TEAD4: variants seen among roughly 807,000 people sequenced by gnomAD.
TEAD4 encodes transcriptional enhancer factor TEF-3.
Under a neutral mutation model 52.4 loss-of-function variants are expected in TEAD4, and 36 were observed. The ratio of observed to expected loss-of-function variants is 0.69; its 90% confidence interval spans 0.53 to 0.91. TEAD4 has a LOEUF of 0.91. Among genes scored for constraint, TEAD4 ranks in the 40% least tolerant of loss-of-function variants. The pLI is 0.00. For missense variants in TEAD4, 508 were observed against 583.9 expected, an observed-to-expected ratio of 0.87 and a Z score of 1.34; for synonymous variants, 220 against 231.0, an observed-to-expected ratio of 0.95 and a Z score of 0.43.
rs1045433633 is a variant in TEAD4 at position 2,959,430 on chromosome 12, C to G, written c.-174C>G. 2.7e-4 allele frequency: 40 copies of G among 146,590 alleles called. No individual in the cohort carries two copies. Among genetic ancestry groups the G allele is most frequent in the Admixed American group, 1.1e-3 (17 of 14,786 alleles). The allele number at this position is 146,590 out of a possible 1,614,324, so 9.1% of individuals were successfully genotyped here. A position where few individuals can be genotyped will look rare whatever the true frequency, so the allele number is the denominator to read the frequency against. On this transcript the variant is annotated 5_prime_UTR_variant, in exon 1 of 13. Coordinates refer to ENST00000359864, the MANE Select transcript of TEAD4 (RefSeq NM_003213.4). The surrounding 1 kb of genome is among the most constrained non-coding windows in gnomAD (Gnocchi z 5.1). ...CATTCCAGCGTCCTCCTCGCACACT[C>G]GAGGCCAGGGGGCGGGAGGGCCGCA...
At chr12:3,015,561 G>A (rs573564499) in intron 5 of TEAD4, among the ~76,000 whole-genome samples, 7 of 152,372 alleles carry the variant, frequency 4.6e-5, no homozygotes, top group South Asian at 2.1e-4. Context: ...CCTCCAGGCC[G>A]CGGTGCTGCC....
chr12:3,032,527 T>C (rs75890828), intron 10 of TEAD4, among the ~76,000 whole-genome samples: 13,467 of 152,204 alleles, frequency 0.088, 640 homozygotes, highest in South Asian at 0.12. Context: ...GTTCTACCAC[T>C]TGAGAACTGT....
intron 8 of TEAD4, 124 bp downstream of exon 8, chr12:3,019,294 C>G (rs1319065394): frequency 4.6e-6 from 5 of 1,077,682 alleles, no homozygotes; most frequent in Non-Finnish European, 6.9e-6. Flanking sequence ...TGCACACTGA[C>G]CACACGTCCT....
chr12:2,995,213 G>A (rs1324159281), intron 3 of TEAD4, among the ~76,000 whole-genome samples: 5 of 152,226 alleles, frequency 3.3e-5, no homozygotes, highest in Middle Eastern at 3.4e-3. Flanking sequence ...GAGCAGAGAT[G>A]GGAGTGGGAA....
rs780611748 is a variant in TEAD4 at position 2,994,838 on chromosome 12, C to G, written c.72C>G (p.Ala24=). 3.1e-6 allele frequency: 5 copies of G among 1,614,066 alleles called. No individual in the cohort carries two copies. Among genetic ancestry groups the G allele is most frequent in the Non-Finnish European group, 4.2e-6 (5 of 1,180,010 alleles). ...CCACCTCCCCTGAGGGGAGCACCGC[C>G]TCTGGGGGCAGTCAGGCACTGGACA... The change falls in exon 3 of 13, where the codon GCC becomes GCG. Residue 24 remains alanine (A), a synonymous_variant. Coordinates refer to ENST00000359864, the MANE Select transcript of TEAD4 (RefSeq NM_003213.4). The surrounding 1 kb of genome is among the most constrained non-coding windows in gnomAD (Gnocchi z 4.7).
At chr12:2,985,505 T>A (rs1313891764) in intron 2 of TEAD4, among the ~76,000 whole-genome samples, 2 of 103,208 alleles carry the variant, frequency 1.9e-5, no homozygotes, top group Non-Finnish European at 4.6e-5. Context: ...CAAAATCTTT[T>A]TTTTTTTTTT....
intron 3 of TEAD4, among the ~76,000 whole-genome samples, chr12:3,004,073 T>C (rs2098253878): frequency 6.6e-6 from 1 of 152,218 alleles, no homozygotes; most frequent in South Asian, 2.1e-4. Flanking sequence ...GTCTACATGA[T>C]CCAGGATACG....
chr12:3,019,221 C>A, intron 8 of TEAD4, 51 bp downstream of exon 8: 1 of 1,605,886 alleles, frequency 6.2e-7, no homozygotes, highest in Non-Finnish European at 8.5e-7. Flanking sequence ...GTGGCTCCTG[C>A]CTCTGGGTCC....
chr12:2,970,564 T>G (rs2098224207), intron 2 of TEAD4, among the ~76,000 whole-genome samples: 1 of 152,218 alleles, frequency 6.6e-6, no homozygotes. Flanking sequence ...GTCGATGATG[T>G]GTGTGGAAAA....
chr12:2,964,214 C>T (rs1013081306), intron 2 of TEAD4, among the ~76,000 whole-genome samples: 3 of 152,184 alleles, frequency 2.0e-5, no homozygotes, highest in South Asian at 2.1e-4. Context: ...TGCCAGCCTC[C>T]GCTCGTGCCA....
chr12:3,027,484 A>G (rs2098272745), intron 10 of TEAD4, among the ~76,000 whole-genome samples: 1 of 152,180 alleles, frequency 6.6e-6, no homozygotes, highest in Admixed American at 6.5e-5. Context: ...TAATCCCAGC[A>G]GTTTGGGAGG....
At chr12:3,031,714 G>A (rs145819580) in intron 10 of TEAD4, among the ~76,000 whole-genome samples, 1 of 151,892 alleles carries the variant, frequency 6.6e-6, no homozygotes, top group Non-Finnish European at 1.5e-5. Context: ...CCTCACCACA[G>A]CCAAGACTGG....
intron 10 of TEAD4, among the ~76,000 whole-genome samples, chr12:3,035,451 C>T (rs769309409): frequency 1.5e-4 from 23 of 152,208 alleles, no homozygotes; most frequent in Non-Finnish European, 2.5e-4. Context: ...GTCCTGAGCA[C>T]ACAAACTGTC....
At chr12:3,012,451 C>T (rs1272725193) in intron 5 of TEAD4, among the ~76,000 whole-genome samples, 2 of 152,168 alleles carry the variant, frequency 1.3e-5, no homozygotes, top group East Asian at 1.9e-4. Context: ...ACAGGCCAGG[C>T]TCCTGCTGGG....
intron 5 of TEAD4, 185 bp from the exon 6 acceptor site, chr12:3,017,213 C>A (rs937922624): frequency 6.9e-6 from 5 of 727,916 alleles, no homozygotes; most frequent in Non-Finnish European, 9.5e-6. Flanking sequence ...AGAAAACTGA[C>A]CAGAGAAACC....
intron 5 of TEAD4, among the ~76,000 whole-genome samples, chr12:3,015,806 T>C (rs1057217298): frequency 6.6e-6 from 1 of 151,884 alleles, no homozygotes; most frequent in Non-Finnish European, 1.5e-5. Context: ...TCTCAACCTT[T>C]GTATCACTTA....
chr12:3,029,047 G>A (rs558688796), intron 10 of TEAD4, among the ~76,000 whole-genome samples: 2 of 152,096 alleles, frequency 1.3e-5, no homozygotes, highest in South Asian at 2.1e-4. Flanking sequence ...TTCCCATTCT[G>A]TTGAATGTCT....
chr12:3,031,982 C>G (rs1485373159), intron 10 of TEAD4, among the ~76,000 whole-genome samples: 1 of 152,270 alleles, frequency 6.6e-6, no homozygotes, highest in Non-Finnish European at 1.5e-5. Flanking sequence ...ATCCCCAGCC[C>G]CCTGAGGAAC....
chr12:3,020,669 T>G lies in TEAD4; in HGVS notation c.619T>G (p.Ser207Ala). Residue 207 changes from serine to alanine, a missense_variant, in exon 9 of 13, where the codon TCT becomes GCT. Transcript: ENST00000359864. ...TCCTGCAGGGCCCGCCCCATCGCCC[T>G]CTGCGCCCCCGGCACCCCCATGGCA... 1 of 1,603,080 alleles carries G rather than the reference T, an allele frequency of 6.2e-7. No homozygotes were observed. Among genetic ancestry groups the G allele is most frequent in the Non-Finnish European group, 8.5e-7 (1 of 1,173,764 alleles).
Sources: allele counts gnomAD v4.1 joint callset (sites outside exome capture counted in the v4.1 genomes callset), GRCh38; gene constraint gnomAD v4.1.1; non-coding constraint Gnocchi (gnomAD v3.1); transcripts MANE v1.5; gene names NCBI Gene and HGNC (gene_info 2026-07-23, HGNC 2026-07-21).